TMEM68: variants seen among roughly 807,000 people sequenced by gnomAD.
TMEM68 encodes the protein transmembrane protein 68, also known as DGAT1/2-independent enzyme synthesizing storage lipids.
A neutral mutation model predicts 36.9 loss-of-function variants in TMEM68; 25 were observed. The ratio of observed to expected loss-of-function variants is 0.68; its 90% CI spans 0.49 to 0.95. The LOEUF (loss-of-function observed/expected upper bound fraction) is 0.95. Among genes scored for constraint, TMEM68 ranks in the 40% least tolerant of loss-of-function variants. The pLI is 0.00. For missense variants in TMEM68, 333 were observed against 392.0 expected (o/e 0.85, Z 1.27); for synonymous variants, 131 against 124.4 (o/e 1.05, Z -0.35).
At chr8:55,764,366 T>A (rs2130018880) in intron 1 of TMEM68, among the ~76,000 whole-genome samples, 2 of 152,360 alleles carry the variant, frequency 1.3e-5, no homozygotes, top group South Asian at 4.1e-4. Flanking sequence ...ATATTAGCCC[T>A]ATGATAATAT....
intron 5 of TMEM68, chr8:55,747,357 G>C (rs1220062234): frequency 6.6e-6 from 1 of 152,020 alleles, no homozygotes; most frequent in Non-Finnish European, 1.5e-5. Flanking sequence ...GCAAGACTCT[G>C]TCTCAAAAAA....
chr8:55,763,717 C>CCTGTTTTTATCTT (rs1810877868), intron 2 of TMEM68: 1 of 47,006 alleles, frequency 2.1e-5, no homozygotes, highest in African/African-American at 5.5e-5. Context: ...CAAAAGAAAA[C>CCTGTTTTTATCTT]ATCAATATCT....
rs1477340707 is a variant in TMEM68, at chr8:55,739,978, T to G, written c.*154A>C. On this transcript the variant is annotated 3_prime_UTR_variant, in exon 8 of 8. Transcript: ENST00000434581. ...ACACAATTGCAAAAACAAAATTGAC[T>G]ATTTTAAAGAAACGAATTCTGTGAA... 5 of 561,046 alleles carry G rather than the reference T, an allele frequency of 8.9e-6. No homozygotes were observed. In the Admixed American group the frequency reaches 1.1e-4, roughly 12 times the overall value. The allele number at this position is 561,046 out of a possible 1,614,324, so 34.8% of individuals were successfully genotyped here. A position where few individuals can be genotyped will look rare whatever the true frequency, so the allele number is the denominator to read the frequency against.
chr8:55,743,215 C>A (rs1449676416), intron 7 of TMEM68, among the ~76,000 whole-genome samples: 1 of 152,114 alleles, frequency 6.6e-6, no homozygotes, highest in East Asian at 1.9e-4. Context: ...GGAATATATT[C>A]CTATCCTACA....
intron 4 of TMEM68, among the ~76,000 whole-genome samples, chr8:55,754,472 C>CACACACACACACACACACATACAT (rs1810514493): frequency 1.2e-5 from 1 of 83,848 alleles, no homozygotes; most frequent in Non-Finnish European, 2.4e-5. Flanking sequence ...TATATACACA[C>CACACACACACACACACACATACAT]ACACACACAC....
At chr8:55,747,376 TA>T (rs1194612273) in intron 5 of TMEM68, 2 of 151,882 alleles carry the variant, frequency 1.3e-5, no homozygotes, top group Non-Finnish European at 2.9e-5. Flanking sequence ...AAATTAAAAG[TA>T]AAAAAGAGCA....
At chr8:55,750,155 CA>C (rs1810389026) in intron 5 of TMEM68, among the ~76,000 whole-genome samples, 1 of 152,110 alleles carries the variant, frequency 6.6e-6, no homozygotes, top group Non-Finnish European at 1.5e-5. Flanking sequence ...TTTTCATATA[CA>C]TTATATTGAT....
rs763344952 is a variant in TMEM68 at position 55,739,138 on chromosome 8, A to G, written c.*994T>C. On this transcript the variant is annotated 3_prime_UTR_variant, in exon 8 of 8. Coordinates refer to ENST00000434581, the MANE Select transcript of TMEM68 (RefSeq NM_001286657.2). ...AATAAAAACAAAACAAAACATAAAT[A>G]AATTCATCATTCAAGTATATTTTTA... is the stretch of plus-strand genomic sequence containing the variant. 1.3e-5 allele frequency: 2 copies of G among 152,636 alleles called. No individual in the cohort carries two copies. The highest frequency in any genetic ancestry group is 2.9e-5 in the Non-Finnish European group (2 of 68,046). 9.5% of individuals were successfully genotyped at this position (152,636 alleles called of 1,614,324 possible).
At chr8:55,745,151 G>T in intron 5 of TMEM68, 30 bp from the exon 6 acceptor site, 1 of 1,386,748 alleles carries the variant, frequency 7.2e-7, no homozygotes, top group African/African-American at 1.5e-5. Context: ...GAATTAAAAA[G>T]TAAATAAATT....
Position 55,758,674 on chromosome 8 carries a change from C to T in TMEM68, c.326-2263G>A, listed in dbSNP as rs147278312. ...TAAAAAAATTAATTGGGCATGGTGG[C>T]ATGTGCCTGTAGTCTCAGTTACTTG... On this transcript the variant is annotated intron_variant, in intron 3 of 7. Coordinates refer to ENST00000434581, the MANE Select transcript of TMEM68 (RefSeq NM_001286657.2). Among the ~76,000 whole-genome samples, 5 of 152,280 alleles carry T rather than the reference C, an allele frequency of 3.3e-5. No individual in the cohort carries two copies. The East Asian group carries it at 9.7e-4, about 29-fold the overall frequency.
chr8:55,748,713 C>T (rs1357670463), intron 5 of TMEM68, among the ~76,000 whole-genome samples: 1 of 152,042 alleles, frequency 6.6e-6, no homozygotes, highest in Admixed American at 6.6e-5. Flanking sequence ...CTCCAGTCAT[C>T]CTCCAACCTC....
intron 3 of TMEM68, among the ~76,000 whole-genome samples, chr8:55,759,257 C>CAA (rs66513921): frequency 0.38 from 46,087 of 121,506 alleles, 9,354 homozygotes; most frequent in South Asian, 0.52. Context: ...CCTGTCTCTA[C>CAA]AAAAAAAAAA....
chr8:55,745,491 G>A (rs1810244234), intron 5 of TMEM68: 1 of 153,290 alleles, frequency 6.5e-6, no homozygotes, highest in South Asian at 2.1e-4. Context: ...ATAGAAATTG[G>A]AAACACTACC....
At chr8:55,759,924 C>T (rs1216257365) in intron 3 of TMEM68, among the ~76,000 whole-genome samples, 1 of 152,230 alleles carries the variant, frequency 6.6e-6, no homozygotes. Flanking sequence ...CCCTTCCTTC[C>T]ACACTGCAAG....
At chr8:55,770,689 G>T (rs1811127308) in intron 1 of TMEM68, among the ~76,000 whole-genome samples, 1 of 151,928 alleles carries the variant, frequency 6.6e-6, no homozygotes, top group Admixed American at 6.6e-5. Context: ...GGGCAGGGGG[G>T]AACTCTATGT....
chr8:55,750,290 T>C (rs1190662131), intron 5 of TMEM68, among the ~76,000 whole-genome samples: 1 of 152,168 alleles, frequency 6.6e-6, no homozygotes, highest in Admixed American at 6.6e-5. Flanking sequence ...CCATAATTCA[T>C]TTTCTATACA....
intron 1 of TMEM68, among the ~76,000 whole-genome samples, chr8:55,770,202 C>T (rs1354560063): frequency 6.6e-6 from 1 of 152,188 alleles, no homozygotes; most frequent in East Asian, 1.9e-4. Flanking sequence ...ATCTAGTCAT[C>T]TTACCTCCTG....
At chr8:55,752,206 T>C (rs908864230) in intron 4 of TMEM68, among the ~76,000 whole-genome samples, 2 of 146,532 alleles carry the variant, frequency 1.4e-5, no homozygotes, top group Admixed American at 6.8e-5. Flanking sequence ...AGACTCTGTC[T>C]CAAAGAAAAA....
chr8:55,747,012 TAGAC>T (rs1242415367), intron 5 of TMEM68: 2 of 152,198 alleles, frequency 1.3e-5, no homozygotes, highest in East Asian at 1.9e-4. Flanking sequence ...AAGTCAGAAA[TAGAC>T]AGCAGCAATC....
Sources: allele counts gnomAD v4.1 joint callset (sites outside exome capture counted in the v4.1 genomes callset), GRCh38; gene constraint gnomAD v4.1.1; transcripts MANE v1.5; gene names NCBI Gene and HGNC (gene_info 2026-07-23, HGNC 2026-07-21).